The following SVEP1 variants were observed in gnomAD, a reference collection of about 807,000 sequenced individuals.
SVEP1 encodes the protein sushi, von Willebrand factor type A, EGF and pentraxin domain-containing protein 1.
In SVEP1, 164 loss-of-function variants were observed where a neutral mutation model predicts 367.3. The observed-to-expected ratio is 0.45, with a 90% CI of 0.39 to 0.51. The LOEUF is 0.51. Among genes scored for constraint, SVEP1 ranks in the 20% least tolerant of loss-of-function variants. The pLI, the probability that SVEP1 is intolerant of heterozygous loss-of-function variation, is 0.00. For synonymous variants in SVEP1, 1,666 were observed against 1,611.6 expected, an observed-to-expected ratio of 1.03 and a Z score of -0.81; for missense variants, 4,117 against 4,425.3, an observed-to-expected ratio of 0.93 and a Z score of 1.98.
At position 110,546,150 on chromosome 9, in the gene SVEP1, C is replaced by T; in HGVS notation, c.929G>A (p.Gly310Glu). ...TGHFECICEKGYYGKGLQYEC... is the reference protein window; with the variant it reads ...TGHFECICEKEYYGKGLQYEC... Reference sequence around the variant, plus strand: ...ATACTGCAGACCTTTCCCGTAATACCCCTTTTCACAGATGCACTCAAAATG... The same window carrying T: ...ATACTGCAGACCTTTCCCGTAATACTCCTTTTCACAGATGCACTCAAAATG... Residue 310 changes from glycine to glutamate, a missense_variant, in exon 3 of 48, where the codon GGG becomes GAG. Coordinates refer to ENST00000374469, the MANE Select transcript of SVEP1 (RefSeq NM_153366.4). 6.4e-7 allele frequency: 1 copy of T among 1,553,338 alleles called. No homozygotes were observed. The highest frequency in any genetic ancestry group is 8.7e-7 in the Non-Finnish European group (1 of 1,147,704).
At chr9:110,544,706 G>A (rs951495816) in intron 3 of SVEP1, among the ~76,000 whole-genome samples, 3 of 152,108 alleles carry the variant, frequency 2.0e-5, no homozygotes, top group Non-Finnish European at 2.9e-5. Flanking sequence ...TGTATATAAT[G>A]TGTAATGATC....
chr9:110,431,466 A>T (rs1588049927), intron 32 of SVEP1, among the ~76,000 whole-genome samples: 1 of 152,330 alleles, frequency 6.6e-6, no homozygotes, highest in East Asian at 1.9e-4. Flanking sequence ...CTATTTCAAA[A>T]TATTGTAGTG....
chr9:110,481,309 C>T lies in SVEP1; in HGVS notation c.2298G>A (p.Lys766=). 5 of 1,611,188 alleles carry T rather than the reference C, an allele frequency of 3.1e-6. No homozygotes were observed. The highest frequency in any genetic ancestry group is 4.2e-6 in the Non-Finnish European group (5 of 1,178,656). Residue 766 remains lysine, a synonymous_variant, in exon 12 of 48, where the codon AAG becomes AAA. Transcript: ENST00000374469. ...GYDFTEGSTD[K]YYCAYEDGVW... Reference sequence around the variant, plus strand: ...CGCCATCTTCATAAGCACAATAATACTTGTCAGTAGACCCTTCTGTGAAAT... The same window carrying T: ...CGCCATCTTCATAAGCACAATAATATTTGTCAGTAGACCCTTCTGTGAAAT...
intron 3 of SVEP1, among the ~76,000 whole-genome samples, chr9:110,532,185 G>T (rs1020049056): frequency 4.6e-5 from 7 of 152,046 alleles, no homozygotes; most frequent in African/African-American, 1.7e-4. Context: ...TTTTTTAGGA[G>T]AGGCTATAAA....
chr9:110,537,798 T>A (rs1830096266), intron 3 of SVEP1, among the ~76,000 whole-genome samples: 1 of 151,918 alleles, frequency 6.6e-6, no homozygotes, highest in Non-Finnish European at 1.5e-5. Flanking sequence ...GCCAAAAAAA[T>A]TTAGATGGCC....
intron 26 of SVEP1, among the ~76,000 whole-genome samples, chr9:110,445,228 G>C (rs1005063409): frequency 6.6e-6 from 1 of 152,194 alleles, no homozygotes. Context: ...AACGATGGAA[G>C]TCCTGCTCAA....
intron 5 of SVEP1, among the ~76,000 whole-genome samples, chr9:110,510,568 C>A (rs1829693084): frequency 6.6e-6 from 1 of 152,194 alleles, no homozygotes; most frequent in African/African-American, 2.4e-5. Context: ...GCTGTGGGAA[C>A]AGCTTCAAAG....
intron 1 of SVEP1, among the ~76,000 whole-genome samples, chr9:110,573,684 G>A (rs1015874191): frequency 6.6e-6 from 1 of 152,234 alleles, no homozygotes; most frequent in East Asian, 1.9e-4. Flanking sequence ...GGATTGAGAA[G>A]AGCCTGGCAT....
chr9:110,432,126 G>C, intron 31 of SVEP1, 92 bp from the exon 32 acceptor site: 2 of 1,328,894 alleles, frequency 1.5e-6, no homozygotes, highest in Non-Finnish European at 2.0e-6. Context: ...TACATATCAC[G>C]TAATGCACAA....
chr9:110,473,633 T>C (rs1564152949), intron 14 of SVEP1, among the ~76,000 whole-genome samples: 1 of 152,310 alleles, frequency 6.6e-6, no homozygotes, highest in East Asian at 1.9e-4. Flanking sequence ...ATTTTTAGAC[T>C]TTTAGGTTAT....
chr9:110,398,013 A>G (rs1279836617), intron 40 of SVEP1, among the ~76,000 whole-genome samples: 1 of 143,468 alleles, frequency 7.0e-6, no homozygotes, highest in Non-Finnish European at 1.6e-5. Flanking sequence ...ATATGGAACC[A>G]AAAAAGAGCT....
In SVEP1 at chr9:110,408,969, A is replaced by T; in HGVS notation, c.6649-18T>A. On this transcript the variant is annotated intron_variant, in intron 37 of 47. Transcript: ENST00000374469. ...GTTGTATGCTGTGCAACAGGAAGAA[A>T]GCAAGTGAGTGCGATTTGTATAACA... The T allele has an allele frequency of 6.5e-7, 1 of 1,539,496 alleles. No individual in the cohort carries two copies. The highest frequency in any genetic ancestry group is 8.7e-7 in the Non-Finnish European group (1 of 1,146,822).
chr9:110,455,273 A>C (rs554833890), intron 22 of SVEP1, among the ~76,000 whole-genome samples: 4 of 152,224 alleles, frequency 2.6e-5, no homozygotes, highest in Non-Finnish European at 5.9e-5. Context: ...CTCCATTTTT[A>C]CTAATGAAGA....
chr9:110,506,009 C>T (rs1344753206), intron 5 of SVEP1, among the ~76,000 whole-genome samples: 1 of 152,112 alleles, frequency 6.6e-6, no homozygotes, highest in Non-Finnish European at 1.5e-5. Context: ...TGATGTTCCC[C>T]TCCCTGTGTC....
chr9:110,379,249 A>C (rs976600845), intron 44 of SVEP1, 98 bp downstream of exon 44: 3 of 1,317,096 alleles, frequency 2.3e-6, no homozygotes, highest in African/African-American at 1.5e-5. Context: ...GCCAAGGAAA[A>C]ATAAAGTAGT....
At chr9:110,415,302 C>T (rs1249537404) in intron 36 of SVEP1, among the ~76,000 whole-genome samples, 1 of 151,914 alleles carries the variant, frequency 6.6e-6, no homozygotes. Context: ...AAGCACAACA[C>T]CAGTATAGGA....
At chr9:110,448,994 T>C (rs1022299460) in intron 24 of SVEP1, among the ~76,000 whole-genome samples, 3 of 152,216 alleles carry the variant, frequency 2.0e-5, no homozygotes, top group African/African-American at 7.2e-5. Flanking sequence ...AGATCTTTTT[T>C]TTCTTTTTGG....
chr9:110,516,018 C>A (rs533076402), intron 3 of SVEP1, among the ~76,000 whole-genome samples: 4 of 152,052 alleles, frequency 2.6e-5, no homozygotes, highest in African/African-American at 9.6e-5. Flanking sequence ...CAATTCAGAA[C>A]CAGAGTCCAT....
chr9:110,484,822 C>T (rs1564155861), intron 9 of SVEP1, among the ~76,000 whole-genome samples: 1 of 151,768 alleles, frequency 6.6e-6, no homozygotes, highest in African/African-American at 2.4e-5. Flanking sequence ...GGCCAACAAA[C>T]ATATGAAAAA....
Sources: allele counts gnomAD v4.1 joint callset (sites outside exome capture counted in the v4.1 genomes callset), GRCh38; gene constraint gnomAD v4.1.1; transcripts MANE v1.5; gene names NCBI Gene and HGNC (gene_info 2026-07-23, HGNC 2026-07-21).